RBM46: variants seen among roughly 807,000 people sequenced by gnomAD.
RBM46 encodes the protein RNA binding motif protein 46, also known as probable RNA-binding protein 46.
In RBM46, 12 loss-of-function variants were observed where a neutral mutation model predicts 43.3. The ratio of observed to expected loss-of-function variants is 0.28; its 90% confidence interval spans 0.18 to 0.45. The LOEUF (loss-of-function observed/expected upper bound fraction) is 0.45, where lower values mean the gene tolerates loss of function less well. Among genes scored for constraint, RBM46 ranks in the 20% least tolerant of loss-of-function variants. The pLI, the probability that RBM46 is intolerant of heterozygous loss-of-function variation, is 1.00. For synonymous variants in RBM46, 205 were observed against 207.6 expected, an observed-to-expected ratio of 0.99 and a Z score of 0.11; for missense variants, 412 against 639.1, an observed-to-expected ratio of 0.64 and a Z score of 3.83.
chr4:154,811,103 A>G (rs1735150120), intron 4 of RBM46, among the ~76,000 whole-genome samples: 1 of 152,056 alleles, frequency 6.6e-6, no homozygotes, highest in Non-Finnish European at 1.5e-5. Context: ...ATATTCAGTT[A>G]GAGTTCTGAT....
chr4:154,784,600 T>C (rs1018384506), intron 1 of RBM46, among the ~76,000 whole-genome samples: 2 of 152,152 alleles, frequency 1.3e-5, no homozygotes, highest in South Asian at 4.1e-4. Flanking sequence ...GTCTACAGTT[T>C]AGGGAAAAAA....
At chr4:154,793,828 G>C (rs1331675685) in intron 1 of RBM46, among the ~76,000 whole-genome samples, 2 of 152,190 alleles carry the variant, frequency 1.3e-5, no homozygotes, top group African/African-American at 2.4e-5. Context: ...CTTTATAGGA[G>C]CACGGTCGAT....
At position 154,815,674 on chromosome 4, in the gene RBM46, C is replaced by A. The variant is rs543174737; in HGVS notation, c.1403-12194C>A. 3.3e-5 allele frequency among the ~76,000 whole-genome samples: 5 copies of A among 151,976 alleles called. No homozygotes were observed. The East Asian group carries it at 9.7e-4, about 29-fold the overall frequency. On this transcript the variant is annotated intron_variant, in intron 4 of 4. Transcript: ENST00000281722. ...GGTTTGTCTGTTTTTTATTTTATTA[C>A]TTAATATAGAAGTCCTTTATTGAAT...
rs568074790 is a variant in RBM46 at position 154,793,891 on chromosome 4, T to C, written c.-11-2851T>C. The stretch of plus-strand genomic sequence containing the variant: ...CCTCTTAACATTTCTTGCCAGAGCC[T>C]TGTAAAAGCATTTGAGTGATCGTTT... On this transcript the variant is annotated intron_variant, in intron 1 of 4. Coordinates refer to ENST00000281722, the MANE Select transcript of RBM46 (RefSeq NM_144979.5). Among the ~76,000 whole-genome samples, 68 of 152,256 alleles carry C rather than the reference T, an allele frequency of 4.5e-4. 1 individual carries two copies. The South Asian group carries it at 0.014, about 31-fold the overall frequency.
rs1735267280 is a variant in RBM46, at chr4:154,813,197, G to A, written c.1402+13633G>A. Among the ~76,000 whole-genome samples the A allele has an allele frequency of 2.0e-5, 3 of 152,242 alleles. No individual in the cohort carries two copies. The South Asian group carries it at 6.2e-4, about 32-fold the overall frequency. ...TTGAGCAGAAAGAAGAAAGGATTGGGAAAGAAATATATGAGATAGGAAGTT... is the reference window on the plus strand; with the variant it reads ...TTGAGCAGAAAGAAGAAAGGATTGGAAAAGAAATATATGAGATAGGAAGTT... On this transcript the variant is annotated intron_variant, in intron 4 of 4. Transcript: ENST00000281722.
intron 4 of RBM46, among the ~76,000 whole-genome samples, chr4:154,812,379 A>AAAATCTTGT (rs1735222253): frequency 6.6e-6 from 1 of 152,166 alleles, no homozygotes; most frequent in African/African-American, 2.4e-5. Context: ...CTGAGTTAGA[A>AAAATCTTGT]AAATCTTGTA....
At chr4:154,806,640 C>T (rs1734920114) in intron 4 of RBM46, among the ~76,000 whole-genome samples, 1 of 151,634 alleles carries the variant, frequency 6.6e-6, no homozygotes, top group Admixed American at 6.6e-5. Flanking sequence ...TACTTCACAG[C>T]AGAACAGCTG....
rs1297981428 is a variant in RBM46, at chr4:154,799,302, A to C, written c.1140A>C (p.Pro380=). The change falls in exon 4 of 5, where the codon CCA becomes CCC. Residue 380 remains proline (P), a synonymous_variant. Transcript: ENST00000281722. The part of the protein sequence containing the change: ...YPFYPGTKLT[P]ISMYSLKSNH... Reference sequence around the variant, plus strand: ...TTTATCCTGGAACAAAGCTTACTCCAATTAGTATGTATTCTTTAAAATCCA... The same window carrying C: ...TTTATCCTGGAACAAAGCTTACTCCCATTAGTATGTATTCTTTAAAATCCA... 6.2e-7 allele frequency: 1 copy of C among 1,614,202 alleles called. No homozygotes were observed. The highest frequency in any genetic ancestry group is 8.5e-7 in the Non-Finnish European group (1 of 1,180,040).
chr4:154,790,945 C>A (rs150406479), intron 1 of RBM46, among the ~76,000 whole-genome samples: 1 of 152,084 alleles, frequency 6.6e-6, no homozygotes, highest in African/African-American at 2.4e-5. Context: ...GAATTTCAAC[C>A]GACAATAGCA....
Position 154,828,100 on chromosome 4 carries a change from T to C in RBM46, c.*33T>C. ...ACTAACATTAGTATGAAAATTTGTG[T>C]AAATTTGTAGTATGAAAACTTGCAA... On this transcript the variant is annotated 3_prime_UTR_variant, in exon 5 of 5. Transcript: ENST00000281722. The C allele has an allele frequency of 6.9e-7, 1 of 1,455,798 alleles. No individual in the cohort carries two copies. The highest frequency in any genetic ancestry group is 1.4e-5 in the African/African-American group (1 of 71,844). 90.2% of individuals were successfully genotyped at this position (1,455,798 alleles called of 1,614,324 possible). A position where few individuals can be genotyped will look rare whatever the true frequency, so the allele number is the denominator to read the frequency against.
intron 4 of RBM46, among the ~76,000 whole-genome samples, chr4:154,800,545 G>T (rs1396192334): frequency 6.6e-6 from 1 of 152,184 alleles, no homozygotes; most frequent in African/African-American, 2.4e-5. Flanking sequence ...CGTTGTGAAG[G>T]AAGAGACATA....
rs773858674 is a variant in RBM46, at chr4:154,796,919, C to T, written c.151+16C>T. ...CCTCCTCCAGGTGTGGATTTGTTTA[C>T]AGTCTTTTAAATTTAATCTTTAACC... On this transcript the variant is annotated intron_variant, in intron 2 of 4. Transcript: ENST00000281722. 1.9e-6 allele frequency: 3 copies of T among 1,604,850 alleles called. No homozygotes were observed. Among genetic ancestry groups the T allele is most frequent in the East Asian group, 2.2e-5 (1 of 44,774 alleles).
intron 4 of RBM46, among the ~76,000 whole-genome samples, chr4:154,815,620 T>C (rs149477217): frequency 7.9e-5 from 12 of 152,062 alleles, no homozygotes; most frequent in Non-Finnish European, 1.8e-4. Flanking sequence ...AGTATCTTTC[T>C]TGTTCAAGTC....
At chr4:154,788,938 T>C (rs1046374344) in intron 1 of RBM46, among the ~76,000 whole-genome samples, 2 of 152,214 alleles carry the variant, frequency 1.3e-5, no homozygotes, top group African/African-American at 2.4e-5. Flanking sequence ...TTATTCTCTT[T>C]GAAGCAATTG....
intron 4 of RBM46, among the ~76,000 whole-genome samples, chr4:154,805,264 A>G (rs571099562): frequency 1.3e-5 from 2 of 152,130 alleles, no homozygotes; most frequent in African/African-American, 4.8e-5. Context: ...ACTATGTTGG[A>G]TATATCTGCT....
At chr4:154,799,708 C>A in intron 4 of RBM46, 144 bp downstream of exon 4, 1 of 527,336 alleles carries the variant, frequency 1.9e-6, no homozygotes, top group Non-Finnish European at 3.0e-6. Flanking sequence ...GTCATGATAA[C>A]TTTCTTGAAA....
At chr4:154,804,703 G>A (rs1734819081) in intron 4 of RBM46, among the ~76,000 whole-genome samples, 1 of 151,912 alleles carries the variant, frequency 6.6e-6, no homozygotes, top group African/African-American at 2.4e-5. Flanking sequence ...TACTTGTATG[G>A]CTATTGGAAA....
In RBM46 at chr4:154,828,371, T is replaced by A. The variant is rs1736065082; in HGVS notation, c.*304T>A. The A allele has an allele frequency of 6.0e-5, 1 of 16,638 alleles. No homozygotes were observed. Among genetic ancestry groups the A allele is most frequent in the Non-Finnish European group, 9.6e-5 (1 of 10,382 alleles). The allele number at this position is 16,638 out of a possible 1,614,324, so 1.0% of individuals were successfully genotyped here. On this transcript the variant is annotated 3_prime_UTR_variant, in exon 5 of 5. Transcript: ENST00000281722. The stretch of plus-strand genomic sequence containing the variant: ...GGGCAATAGAACCTAGTCATTTATG[T>A]TTTTTTTTTTTTTTGCATAATTTTA...
intron 1 of RBM46, among the ~76,000 whole-genome samples, chr4:154,795,124 G>T (rs1734287242): frequency 6.6e-6 from 1 of 152,242 alleles, no homozygotes; most frequent in Non-Finnish European, 1.5e-5. Context: ...GGAAATACAT[G>T]TATAGTGCTT....
Sources: allele counts gnomAD v4.1 joint callset (sites outside exome capture counted in the v4.1 genomes callset), GRCh38; gene constraint gnomAD v4.1.1; transcripts MANE v1.5; gene names NCBI Gene and HGNC (gene_info 2026-07-23, HGNC 2026-07-21).